Variants in SOS2 observed in about 807,000 individuals in gnomAD.
The protein encoded by SOS2 is SOS Ras/Rho guanine nucleotide exchange factor 2.
A neutral mutation model predicts 148.2 loss-of-function variants in SOS2; 65 were observed. The ratio of observed to expected loss-of-function variants is 0.44; its 90% confidence interval spans 0.36 to 0.54. The LOEUF (loss-of-function observed/expected upper bound fraction) is 0.54. Among genes scored for constraint, SOS2 ranks in the 20% least tolerant of loss-of-function variants. The probability of loss-of-function intolerance (pLI) is 0.00; values close to 1 mark genes in which losing one functional copy is unlikely to be tolerated. For synonymous variants in SOS2, 539 were observed against 537.1 expected (o/e 1.00, Z -0.05); for missense variants, 1,341 against 1,590.2 (o/e 0.84, Z 2.67).
At chr14:50,196,104 G>C (rs1299112098) in intron 4 of SOS2, among the ~76,000 whole-genome samples, 1 of 152,154 alleles carries the variant, frequency 6.6e-6, no homozygotes, top group Non-Finnish European at 1.5e-5. Flanking sequence ...GTGGAATCTG[G>C]AACAAACTCA....
chr14:50,201,246 G>C (rs895806145), intron 2 of SOS2, among the ~76,000 whole-genome samples, 162 bp from the exon 3 acceptor site: 1 of 151,934 alleles, frequency 6.6e-6, no homozygotes, highest in East Asian at 1.9e-4. Context: ...TTAAAAAAAA[G>C]GTCAGGCTGG....
chr14:50,228,483 A>T (rs1177146003), intron 1 of SOS2, among the ~76,000 whole-genome samples: 2 of 152,200 alleles, frequency 1.3e-5, no homozygotes, highest in Non-Finnish European at 2.9e-5. Flanking sequence ...TACCTCCTCA[A>T]ATTTTCATAT....
chr14:50,196,172 A>T (rs576737036), intron 4 of SOS2, among the ~76,000 whole-genome samples: 1 of 152,348 alleles, frequency 6.6e-6, no homozygotes, highest in East Asian at 1.9e-4. Flanking sequence ...CAAAACCTCA[A>T]TTAGGAGGAA....
intron 7 of SOS2, among the ~76,000 whole-genome samples, chr14:50,175,680 T>C (rs1167981916): frequency 6.6e-6 from 1 of 152,086 alleles, no homozygotes; most frequent in Non-Finnish European, 1.5e-5. Flanking sequence ...GAAACTACTG[T>C]AGAATAAATG....
intron 1 of SOS2, among the ~76,000 whole-genome samples, chr14:50,217,547 AAAAT>A (rs1262387296): frequency 6.6e-6 from 1 of 152,136 alleles, no homozygotes; most frequent in Admixed American, 6.6e-5. Context: ...TTTGAAAATT[AAAAT>A]AAATAAATAA....
At position 50,139,964 on chromosome 14, in the gene SOS2, A is replaced by G; in HGVS notation, c.2763T>C (p.Asn921=). 1 of 1,579,654 alleles carries G rather than the reference A, an allele frequency of 6.3e-7. No individual in the cohort carries two copies. Among genetic ancestry groups the G allele is most frequent in the Non-Finnish European group, 8.7e-7 (1 of 1,150,002 alleles). Residue 921 remains asparagine, a synonymous_variant, in exon 17 of 23, where the codon AAT becomes AAC. Transcript: ENST00000216373. ...TACCAAAAAAAGGCACACAAGGTGGATTGATTGACTTAAGTTTTACTAGGT... is the reference window on the plus strand; with the variant it reads ...TACCAAAAAAAGGCACACAAGGTGGGTTGATTGACTTAAGTTTTACTAGGT... ...KKYLVKLKSI[N]PPCVPFFGIY...
chr14:50,174,323 CA>C (rs1159264641), intron 8 of SOS2, 130 bp downstream of exon 8: 3 of 366,750 alleles, frequency 8.2e-6, no homozygotes, highest in African/African-American at 3.4e-5. Flanking sequence ...AGCAATGTTA[CA>C]TATAAAAATT....
At chr14:50,130,429 TA>T in intron 20 of SOS2, 71 bp downstream of exon 20, 7 of 1,281,186 alleles carry the variant, frequency 5.5e-6, no homozygotes, top group Non-Finnish European at 7.6e-6. Context: ...TATAGTTCCC[TA>T]ATTAAAATGA....
At chr14:50,201,176 T>G (rs147836984) in intron 2 of SOS2, 92 bp from the exon 3 acceptor site, 1 of 1,164,672 alleles carries the variant, frequency 8.6e-7, no homozygotes, top group South Asian at 1.3e-5. Context: ...CTATTCTTAA[T>G]GCTAGCAGAT....
At chr14:50,177,752 G>A (rs1885571433) in intron 7 of SOS2, among the ~76,000 whole-genome samples, 1 of 152,052 alleles carries the variant, frequency 6.6e-6, no homozygotes. Context: ...ATAGAGAAGT[G>A]GAAGATAATA....
chr14:50,150,545 T>C (rs1408579092), intron 13 of SOS2, among the ~76,000 whole-genome samples: 1 of 149,554 alleles, frequency 6.7e-6, no homozygotes, highest in African/African-American at 2.5e-5. Flanking sequence ...TGTTCACATT[T>C]CTCTCTCTGA....
chr14:50,212,384 G>A (rs558971268), intron 1 of SOS2, among the ~76,000 whole-genome samples: 1 of 152,294 alleles, frequency 6.6e-6, no homozygotes, highest in South Asian at 2.1e-4. Flanking sequence ...TGAGGCAGGA[G>A]AATCGCTTGA....
At position 50,177,952 on chromosome 14, in the gene SOS2, T is replaced by C. The variant is rs537412064; in HGVS notation, c.969+2620A>G. ...TTAAAAGAAAGTGATGGCCTGGAAA[T>C]ACAAATAAGAAGTCACCAGTATATA... On this transcript the variant is annotated intron_variant, in intron 7 of 22. Coordinates refer to ENST00000216373, the MANE Select transcript of SOS2 (RefSeq NM_006939.4). 1.1e-3 allele frequency among the ~76,000 whole-genome samples: 172 copies of C among 152,058 alleles called. 2 individuals carry two copies. The highest frequency in any genetic ancestry group is 1.0e-3 in the Non-Finnish European group (68 of 68,026).
chr14:50,157,128 A>G lies in SOS2; in HGVS notation c.1935-7T>C, dbSNP rs756676194. On this transcript the variant is annotated splice_polypyrimidine_tract_variant and splice_region_variant and intron_variant, in intron 11 of 22. Coordinates refer to ENST00000216373, the MANE Select transcript of SOS2 (RefSeq NM_006939.4). Reference sequence around the variant, plus strand: ...TGGCTCTGGAATTTCAAACCTAAGAAGAAAAGCAAAAGGAGAAAAATCCGT... The same window carrying G: ...TGGCTCTGGAATTTCAAACCTAAGAGGAAAAGCAAAAGGAGAAAAATCCGT... 6.2e-7 allele frequency: 1 copy of G among 1,608,756 alleles called. No homozygotes were observed. The highest frequency in any genetic ancestry group is 1.1e-5 in the South Asian group (1 of 90,514).
intron 12 of SOS2, 40 bp from the exon 13 acceptor site, chr14:50,153,213 G>T: frequency 1.8e-6 from 2 of 1,126,420 alleles, no homozygotes; most frequent in Non-Finnish European, 2.7e-6. Flanking sequence ...TGAAACATAA[G>T]TGTTCAATTA....
rs143771743 is a variant in SOS2, at chr14:50,138,349, C to T, written c.2958+263G>A. ...TTTTTTTTTATATTTTTAGTAGAGACGGGGTTTCGCCATGCTGCCCAGGCT... is the reference window on the plus strand; with the variant it reads ...TTTTTTTTTATATTTTTAGTAGAGATGGGGTTTCGCCATGCTGCCCAGGCT... On this transcript the variant is annotated intron_variant, in intron 18 of 22. Coordinates refer to ENST00000216373, the MANE Select transcript of SOS2 (RefSeq NM_006939.4). Among the ~76,000 whole-genome samples, 1,077 of 151,870 alleles carry T rather than the reference C, an allele frequency of 7.1e-3. 15 individuals are homozygous for T. The highest frequency in any genetic ancestry group is 0.025 in the African/African-American group (1,016 of 41,396).
chr14:50,204,665 C>T (rs1261430177), intron 1 of SOS2, among the ~76,000 whole-genome samples: 2 of 152,146 alleles, frequency 1.3e-5, no homozygotes, highest in Admixed American at 1.3e-4. Context: ...CACCAAAAAG[C>T]ATATACACAT....
chr14:50,180,043 C>T (rs146023403), intron 7 of SOS2, among the ~76,000 whole-genome samples: 6 of 151,320 alleles, frequency 4.0e-5, no homozygotes, highest in African/African-American at 1.5e-4. Context: ...CTCACTATTC[C>T]ACCCAAGCTG....
intron 4 of SOS2, among the ~76,000 whole-genome samples, chr14:50,192,143 CAAAAAAAAAA>C (rs201836422): frequency 2.5e-5 from 3 of 118,908 alleles, no homozygotes; most frequent in African/African-American, 7.0e-5. Flanking sequence ...GTCCTTGTCA[CAAAAAAAAAA>C]AAAAAAAAAA....
Sources: gnomAD v4.1 joint callset for allele counts (sites outside exome capture counted in the v4.1 genomes callset) on GRCh38, gnomAD v4.1.1 for gene constraint, MANE v1.5 for transcripts, NCBI Gene and HGNC (gene_info 2026-07-23, HGNC 2026-07-21) for gene names.